FOXP1: variants seen among roughly 807,000 people sequenced by gnomAD.
The protein encoded by FOXP1 is forkhead box P1.
FOXP1 carries 15 observed loss-of-function variants against 98.2 expected under a neutral mutation model. The ratio of observed to expected loss-of-function variants is 0.15; its 90% CI spans 0.10 to 0.24. The LOEUF (loss-of-function observed/expected upper bound fraction) is 0.24. Among genes scored for constraint, FOXP1 ranks in the 10% least tolerant of loss-of-function variants. The pLI is 1.00. For synonymous variants in FOXP1, 371 were observed against 314.5 expected (o/e 1.18, Z -1.90); for missense variants, 633 against 848.5 (o/e 0.75, Z 3.15).
chr3:71,231,244 A>G (rs1380001419), intron 5 of FOXP1, among the ~76,000 whole-genome samples: 2 of 152,226 alleles, frequency 1.3e-5, no homozygotes, highest in Non-Finnish European at 2.9e-5. Context: ...TTAAAACTCA[A>G]AAAATAACTA....
At chr3:71,034,813 G>C (rs990568085) in intron 11 of FOXP1, among the ~76,000 whole-genome samples, 10 of 152,114 alleles carry the variant, frequency 6.6e-5, no homozygotes, top group African/African-American at 2.4e-4. Context: ...AAGCAAATGG[G>C]GTCTGGTCCC....
intron 6 of FOXP1, among the ~76,000 whole-genome samples, chr3:71,168,954 A>C (rs1000179400): frequency 3.3e-5 from 5 of 152,198 alleles, no homozygotes; most frequent in Admixed American, 2.6e-4. Context: ...GAAATAGAGA[A>C]GAGTTTCTCA....
At chr3:71,329,876 C>T (rs1358123795) in intron 4 of FOXP1, 2 of 152,100 alleles carry the variant, frequency 1.3e-5, no homozygotes, top group African/African-American at 4.8e-5. Context: ...TTTTTATTAA[C>T]ATGCGAGTGT....
chr3:71,424,619 T>G lies in FOXP1; in HGVS notation c.-167-65375A>C, dbSNP rs571174568. On this transcript the variant is annotated intron_variant, in intron 3 of 20. Transcript: ENST00000649528. Reference sequence around the variant, plus strand: ...GGTGTATTAATCAAACCCAAAACTGTCAGAAGGTTTTTAAAAACCCACAAA... The same window carrying G: ...GGTGTATTAATCAAACCCAAAACTGGCAGAAGGTTTTTAAAAACCCACAAA... Among the ~76,000 whole-genome samples, 3 of 152,222 alleles carry G rather than the reference T, an allele frequency of 2.0e-5. No individual in the cohort carries two copies. The East Asian group carries it at 5.8e-4, about 29-fold the overall frequency.
At chr3:71,115,338 T>C (rs924761301) in intron 6 of FOXP1, among the ~76,000 whole-genome samples, 10 of 151,154 alleles carry the variant, frequency 6.6e-5, no homozygotes, top group Admixed American at 5.9e-4. Context: ...TATTTATTTA[T>C]TTATTTATTT....
intron 7 of FOXP1, among the ~76,000 whole-genome samples, chr3:71,056,299 A>C (rs1388894519): frequency 1.3e-5 from 2 of 152,184 alleles, no homozygotes; most frequent in African/African-American, 2.4e-5. Flanking sequence ...GTCAATAATA[A>C]AAGGGGGAAT....
At chr3:71,507,739 G>A (rs999006539) in intron 2 of FOXP1, among the ~76,000 whole-genome samples, 3 of 151,986 alleles carry the variant, frequency 2.0e-5, no homozygotes, top group South Asian at 2.1e-4. Flanking sequence ...CACCATGCCC[G>A]GCTAATTTTT....
intron 4 of FOXP1, among the ~76,000 whole-genome samples, chr3:71,323,201 C>T (rs563655585): frequency 6.6e-6 from 1 of 152,238 alleles, no homozygotes; most frequent in East Asian, 1.9e-4. Flanking sequence ...GAACTCCTGA[C>T]CTCATGATCC....
intron 3 of FOXP1, among the ~76,000 whole-genome samples, chr3:71,451,664 G>C (rs1030941700): frequency 6.6e-6 from 1 of 152,132 alleles, no homozygotes. Flanking sequence ...GCTTCGATAG[G>C]CTAACATCAG....
At chr3:71,024,134 C>G (rs553452002) in intron 11 of FOXP1, among the ~76,000 whole-genome samples, 11 of 152,100 alleles carry the variant, frequency 7.2e-5, no homozygotes, top group African/African-American at 1.7e-4. Context: ...ACTGTAGCAT[C>G]GGAGGAAAAG....
At chr3:71,314,578 G>A (rs1206175908) in intron 4 of FOXP1, among the ~76,000 whole-genome samples, 8 of 150,460 alleles carry the variant, frequency 5.3e-5, no homozygotes, top group Admixed American at 5.3e-4. Context: ...GCTACAGGCT[G>A]GAAAAATAAA....
intron 6 of FOXP1, among the ~76,000 whole-genome samples, chr3:71,149,588 C>G (rs1470884754): frequency 6.6e-6 from 1 of 151,966 alleles, no homozygotes; most frequent in East Asian, 1.9e-4. Context: ...TACATTTATG[C>G]CTTTTATCAG....
chr3:71,008,575 T>G (rs2043105406), intron 12 of FOXP1, among the ~76,000 whole-genome samples: 1 of 152,076 alleles, frequency 6.6e-6, no homozygotes, highest in Non-Finnish European at 1.5e-5. Flanking sequence ...AACTCATGGT[T>G]GATAGATTAA....
At chr3:71,148,068 GC>G (rs2060396287) in intron 6 of FOXP1, among the ~76,000 whole-genome samples, 2 of 152,140 alleles carry the variant, frequency 1.3e-5, no homozygotes. Flanking sequence ...TAGAAAATTA[GC>G]CAGATAATAT....
At chr3:71,541,657 T>C (rs1457090954) in intron 2 of FOXP1, among the ~76,000 whole-genome samples, 2 of 152,044 alleles carry the variant, frequency 1.3e-5, no homozygotes, top group Admixed American at 1.3e-4. Flanking sequence ...CTGGAATGCG[T>C]ATTTCACCAG....
chr3:71,558,329 C>G (rs1025104211), intron 2 of FOXP1, among the ~76,000 whole-genome samples: 6 of 152,194 alleles, frequency 3.9e-5, no homozygotes, highest in Non-Finnish European at 8.8e-5. Context: ...TACCCACCCC[C>G]AGAGGTGGAC....
chr3:70,983,104 G>A (rs1352841951), intron 14 of FOXP1, among the ~76,000 whole-genome samples: 3 of 152,206 alleles, frequency 2.0e-5, no homozygotes, highest in Non-Finnish European at 4.4e-5. Context: ...CAGGCCGTGC[G>A]GAGGGCAGGA....
At chr3:71,335,036 G>T (rs1396877059) in intron 4 of FOXP1, 1 of 152,188 alleles carries the variant, frequency 6.6e-6, no homozygotes, top group African/African-American at 2.4e-5. Context: ...AAGGTGGGAG[G>T]ATCACTTGGG....
chr3:71,061,310 C>T (rs575661690), intron 7 of FOXP1, among the ~76,000 whole-genome samples: 96 of 152,258 alleles, frequency 6.3e-4, no homozygotes, highest in African/African-American at 2.1e-3. Context: ...TACCCTTTTG[C>T]CCCAAGAGAG....
Sources: allele counts gnomAD v4.1 joint callset (sites outside exome capture counted in the v4.1 genomes callset), GRCh38; gene constraint gnomAD v4.1.1; transcripts MANE v1.5; gene names NCBI Gene and HGNC (gene_info 2026-07-23, HGNC 2026-07-21).